The following PGCKA1 variants were observed in gnomAD, a reference collection of about 807,000 sequenced individuals.
PGCKA1 encodes the protein PDCD10 and GCKIII kinases-associated protein 1.
At chr4:37,558,760 CA>C in the PGCKA1 span, among the ~76,000 whole-genome samples, 1 of 105,276 alleles carries the variant, frequency 9.5e-6, no homozygotes. Context: ...AAAAAACAAA[CA>C]ACCCCATCAA....
chr4:37,464,679 C>T, the PGCKA1 span, among the ~76,000 whole-genome samples: 6 of 152,220 alleles, frequency 3.9e-5, no homozygotes, highest in Non-Finnish European at 7.3e-5. Flanking sequence ...TAGCAGGAAG[C>T]TTTCAAGCTT....
chr4:37,483,689 A>G, the PGCKA1 span, among the ~76,000 whole-genome samples: 18 of 152,370 alleles, frequency 1.2e-4, no homozygotes, highest in Admixed American at 5.2e-4. Flanking sequence ...GAAGAGAGGC[A>G]GTGCTTCTGG....
At chr4:37,467,915 C>T in the PGCKA1 span, among the ~76,000 whole-genome samples, 2 of 152,212 alleles carry the variant, frequency 1.3e-5, no homozygotes, top group Admixed American at 1.3e-4. Context: ...AAAAGAAAGA[C>T]TCCCATTTGT....
chr4:37,512,329 T>C, the PGCKA1 span, among the ~76,000 whole-genome samples: 1 of 152,194 alleles, frequency 6.6e-6, no homozygotes, highest in African/African-American at 2.4e-5. Context: ...AGCATTACAG[T>C]TTGATTAGCA....
the PGCKA1 span, among the ~76,000 whole-genome samples, chr4:37,499,280 GT>G: frequency 1.3e-5 from 2 of 151,504 alleles, no homozygotes; most frequent in African/African-American, 2.4e-5. Flanking sequence ...TTGGCCTGAA[GT>G]TTTTTTTTGT....
the PGCKA1 span, among the ~76,000 whole-genome samples, chr4:37,458,497 C>T: frequency 1.8e-3 from 273 of 152,254 alleles, no homozygotes; most frequent in Non-Finnish European, 3.4e-3. Context: ...TTCCAGTTTC[C>T]TCCATGCATC....
At chr4:37,499,562 C>A in the PGCKA1 span, among the ~76,000 whole-genome samples, 4 of 152,156 alleles carry the variant, frequency 2.6e-5, no homozygotes, top group African/African-American at 9.6e-5. Flanking sequence ...TTATCAATTT[C>A]TTTTAGATTT....
chr4:37,575,997 A>G, the PGCKA1 span, among the ~76,000 whole-genome samples: 14 of 152,062 alleles, frequency 9.2e-5, no homozygotes, highest in African/African-American at 3.1e-4. Flanking sequence ...CGATTACTAT[A>G]TCTCTGTAGT....
chr4:37,527,891 A>G, the PGCKA1 span, among the ~76,000 whole-genome samples: 13 of 152,230 alleles, frequency 8.5e-5, no homozygotes, highest in East Asian at 2.3e-3. Context: ...AACGCACCAT[A>G]CAGATGTGTA....
the PGCKA1 span, among the ~76,000 whole-genome samples, chr4:37,558,806 AAAG>A: frequency 8.5e-6 from 1 of 117,112 alleles, no homozygotes; most frequent in South Asian, 2.7e-4. Context: ...ACACTTCTCA[AAAG>A]AAGACATTTA....
At chr4:37,501,204 G>C in the PGCKA1 span, among the ~76,000 whole-genome samples, 5 of 152,052 alleles carry the variant, frequency 3.3e-5, no homozygotes, top group East Asian at 9.7e-4. Flanking sequence ...TTGCTTTATA[G>C]CAGGGGTCCC....
the PGCKA1 span, among the ~76,000 whole-genome samples, chr4:37,464,892 T>C: frequency 6.6e-6 from 1 of 152,144 alleles, no homozygotes; most frequent in Non-Finnish European, 1.5e-5. Context: ...AGGACTGAAT[T>C]TGAGGAAAGG....
the PGCKA1 span, among the ~76,000 whole-genome samples, chr4:37,519,849 A>C: frequency 1.3e-5 from 2 of 152,192 alleles, no homozygotes; most frequent in Non-Finnish European, 2.9e-5. Flanking sequence ...AGTTCTTAGA[A>C]GAAAGGCTTT....
the PGCKA1 span, among the ~76,000 whole-genome samples, chr4:37,585,329 G>A: frequency 3.4e-3 from 37 of 10,742 alleles, 1 homozygote; most frequent in East Asian, 0.065. Context: ...TGTTGAGGGA[G>A]AGGAGGGGAG....
chr4:37,553,767 T>C, the PGCKA1 span, among the ~76,000 whole-genome samples: 1 of 152,244 alleles, frequency 6.6e-6, no homozygotes, highest in Non-Finnish European at 1.5e-5. Context: ...TTGCCAATGA[T>C]ATTTTTAAGT....
chr4:37,516,672 A>T, the PGCKA1 span, among the ~76,000 whole-genome samples: 1 of 152,228 alleles, frequency 6.6e-6, no homozygotes, highest in African/African-American at 2.4e-5. Context: ...CCAGAAACAC[A>T]TGAATACTCT....
the PGCKA1 span, among the ~76,000 whole-genome samples, chr4:37,493,589 A>C: frequency 6.6e-6 from 1 of 152,198 alleles, no homozygotes; most frequent in South Asian, 2.1e-4. Flanking sequence ...ATGGCTTAGG[A>C]ACTTTTACAG....
the PGCKA1 span, among the ~76,000 whole-genome samples, chr4:37,572,266 C>T: frequency 6.6e-6 from 1 of 151,058 alleles, no homozygotes; most frequent in Non-Finnish European, 1.5e-5. Flanking sequence ...TGGGGTTTCA[C>T]CGTTTTAGCC....
At chr4:37,556,971 C>T in the PGCKA1 span, among the ~76,000 whole-genome samples, 1,353 of 152,178 alleles carry the variant, frequency 8.9e-3, 19 homozygotes, top group African/African-American at 0.031. Context: ...ATTTCGCTGA[C>T]GAGAATATAA....
Sources: allele counts gnomAD v4.1 joint callset (sites outside exome capture counted in the v4.1 genomes callset), GRCh38; gene constraint gnomAD v4.1.1; transcripts MANE v1.5; gene names NCBI Gene and HGNC (gene_info 2026-07-23, HGNC 2026-07-21).